The following PLCB1 variants were observed in gnomAD, a reference collection of about 807,000 sequenced individuals.
PLCB1 encodes the protein phospholipase C beta 1, also known as 1-phosphatidylinositol 4,5-bisphosphate phosphodiesterase beta-1.
In PLCB1, 46 loss-of-function variants were observed where a neutral mutation model predicts 161.8. That is an observed-to-expected ratio of 0.28 (90% CI 0.22 to 0.36). The LOEUF (loss-of-function observed/expected upper bound fraction) is 0.36. PLCB1 is among the 10% of genes least tolerant of loss of function. The pLI is 1.00. For missense variants in PLCB1, 1,016 were observed against 1,472.5 expected, an observed-to-expected ratio of 0.69 and a Z score of 5.07; for synonymous variants, 517 against 503.7, an observed-to-expected ratio of 1.03 and a Z score of -0.35.
At chr20:8,474,430 G>T (rs1291260997) in intron 3 of PLCB1, among the ~76,000 whole-genome samples, 1 of 152,156 alleles carries the variant, frequency 6.6e-6, no homozygotes, top group Non-Finnish European at 1.5e-5. Context: ...TTGGGGAAAT[G>T]ATTATAGGTG....
intron 2 of PLCB1, among the ~76,000 whole-genome samples, chr20:8,193,774 C>T (rs2123112964): frequency 6.6e-6 from 1 of 151,802 alleles, no homozygotes; most frequent in East Asian, 1.9e-4. Flanking sequence ...TTATTTTAAA[C>T]CAGAACATTG....
chr20:8,662,325 ATTAT>A (rs1188990778), intron 9 of PLCB1, among the ~76,000 whole-genome samples: 162 of 117,946 alleles, frequency 1.4e-3, no homozygotes, highest in Non-Finnish European at 2.2e-3. Flanking sequence ...ATAATATGTA[ATTAT>A]TTATTATATA....
At position 8,739,257 on chromosome 20, in the gene PLCB1, G is replaced by T. The variant is rs948705229; in HGVS notation, c.2209-4G>T. On this transcript the variant is annotated splice_region_variant and splice_polypyrimidine_tract_variant and intron_variant, in intron 20 of 31. Transcript: ENST00000338037. ...ACCAGGTGTGTCCTTAATGTCCTTTGTAGGTGGTTCTTCCTACTCTGGCCT... is the reference window on the plus strand; with the variant it reads ...ACCAGGTGTGTCCTTAATGTCCTTTTTAGGTGGTTCTTCCTACTCTGGCCT... 2 of 1,580,710 alleles carry T rather than the reference G, an allele frequency of 1.3e-6. No individual in the cohort carries two copies. The highest frequency in any genetic ancestry group is 2.7e-5 in the African/African-American group (2 of 74,402).
At chr20:8,791,515 T>C (rs966258004) in intron 31 of PLCB1, among the ~76,000 whole-genome samples, 4 of 152,202 alleles carry the variant, frequency 2.6e-5, no homozygotes, top group African/African-American at 9.6e-5. Flanking sequence ...TAATCTATGC[T>C]GTCTGGTTTT....
At chr20:8,872,007 A>G (rs1429862540) in intron 31 of PLCB1, among the ~76,000 whole-genome samples, 3 of 152,202 alleles carry the variant, frequency 2.0e-5, no homozygotes, top group Non-Finnish European at 4.4e-5. Flanking sequence ...CATATTTCAT[A>G]AAATGCAAGC....
rs6118290 is a variant in PLCB1, at chr20:8,671,317, G to A, written c.862+12613G>A. 7.6e-3 allele frequency among the ~76,000 whole-genome samples: 1,160 copies of A among 152,234 alleles called. 13 individuals are homozygous for A. The highest frequency in any genetic ancestry group is 0.027 in the African/African-American group (1,105 of 41,544). On this transcript the variant is annotated intron_variant, in intron 9 of 31. Transcript: ENST00000338037. ...AGCTAACCTGCATATTTTTTGCAAA[G>A]CCCACAAAACAATGTCACTTCTTGT...
chr20:8,522,516 A>G (rs1344527791), intron 3 of PLCB1, among the ~76,000 whole-genome samples: 1 of 152,104 alleles, frequency 6.6e-6, no homozygotes, highest in Non-Finnish European at 1.5e-5. Context: ...CTTTCTCCCC[A>G]ACTGACACAC....
At chr20:8,510,545 C>G (rs1277120793) in intron 3 of PLCB1, among the ~76,000 whole-genome samples, 14 of 152,016 alleles carry the variant, frequency 9.2e-5, no homozygotes. Flanking sequence ...GCCACCACGC[C>G]CAGCTAATTT....
At position 8,884,396 on chromosome 20, in the gene PLCB1, T is replaced by A. The variant is rs963947257; in HGVS notation, c.*2547T>A. 2 of 152,646 alleles carry A rather than the reference T, an allele frequency of 1.3e-5. No homozygotes were observed. The highest frequency in any genetic ancestry group is 4.8e-5 in the African/African-American group (2 of 41,466). The allele number at this position is 152,646 out of a possible 1,614,324, so 9.5% of individuals were successfully genotyped here. A position where few individuals can be genotyped will look rare whatever the true frequency, so the allele number is the denominator to read the frequency against. On this transcript the variant is annotated 3_prime_UTR_variant, in exon 32 of 32. Coordinates refer to ENST00000338037, the MANE Select transcript of PLCB1 (RefSeq NM_015192.4). ...TTTCCTATAATAGAAAGTAGAGCTG[T>A]GTATTAAATTAGACTGTGTCTCTCT...
intron 2 of PLCB1, among the ~76,000 whole-genome samples, chr20:8,352,680 G>A (rs912942454): frequency 1.3e-5 from 2 of 151,990 alleles, no homozygotes; most frequent in Admixed American, 6.6e-5. Context: ...GAAATGAATG[G>A]AATCTGTGAA....
intron 7 of PLCB1, among the ~76,000 whole-genome samples, chr20:8,650,828 G>A (rs565755470): frequency 6.9e-6 from 1 of 143,940 alleles, no homozygotes; most frequent in South Asian, 2.2e-4. Context: ...TTACAGAGCT[G>A]TGCTCAGAAA....
Position 8,733,705 on chromosome 20 carries a change from G to A in PLCB1, c.2043+313G>A, listed in dbSNP as rs201959652. On this transcript the variant is annotated intron_variant, in intron 19 of 31. Transcript: ENST00000338037. Reference sequence around the variant, plus strand: ...CCTAATGCTAAATGACGAGTTAATGGGTGCAGCACACCAGCATGGCACATG... The same window carrying A: ...CCTAATGCTAAATGACGAGTTAATGAGTGCAGCACACCAGCATGGCACATG... Among the ~76,000 whole-genome samples, 94 of 150,338 alleles carry A rather than the reference G, an allele frequency of 6.3e-4. 4 individuals carry two copies. In the East Asian group the frequency reaches 0.015, roughly 24 times the overall value.
At chr20:8,651,843 T>C in intron 7 of PLCB1, 1 of 239,202 alleles carries the variant, frequency 4.2e-6, no homozygotes, top group Non-Finnish European at 8.0e-6. Flanking sequence ...TGGAAATAAT[T>C]TCCCTACTGG....
At chr20:8,441,635 A>G (rs2122613723) in intron 3 of PLCB1, among the ~76,000 whole-genome samples, 1 of 152,306 alleles carries the variant, frequency 6.6e-6, no homozygotes, top group Non-Finnish European at 1.5e-5. Flanking sequence ...TTTGCCTACC[A>G]ATTAACCAGG....
At chr20:8,624,335 A>G (rs1988271310) in intron 3 of PLCB1, among the ~76,000 whole-genome samples, 1 of 152,250 alleles carries the variant, frequency 6.6e-6, no homozygotes, top group Non-Finnish European at 1.5e-5. Context: ...ACAATCCAAT[A>G]AAGATACATT....
chr20:8,225,287 T>C (rs1979623429), intron 2 of PLCB1, among the ~76,000 whole-genome samples: 1 of 152,240 alleles, frequency 6.6e-6, no homozygotes, highest in African/African-American at 2.4e-5. Flanking sequence ...TTCTTCTGTT[T>C]TGTTTTTTTC....
chr20:8,364,864 T>G (rs1342962731), intron 2 of PLCB1, among the ~76,000 whole-genome samples: 1 of 152,232 alleles, frequency 6.6e-6, no homozygotes, highest in Admixed American at 6.5e-5. Flanking sequence ...AAAATTAGTT[T>G]CTCTAGAAGT....
intron 1 of PLCB1, among the ~76,000 whole-genome samples, chr20:8,138,534 T>C (rs1419297556): frequency 6.6e-6 from 1 of 152,194 alleles, no homozygotes; most frequent in African/African-American, 2.4e-5. Context: ...ATATCATAAA[T>C]TCCAAATGCT....
chr20:8,514,619 C>A (rs1350690631), intron 3 of PLCB1, among the ~76,000 whole-genome samples: 1 of 152,078 alleles, frequency 6.6e-6, no homozygotes, highest in Non-Finnish European at 1.5e-5. Context: ...GCAAGAAACC[C>A]AATCCCTAAA....
Sources: allele counts gnomAD v4.1 joint callset (sites outside exome capture counted in the v4.1 genomes callset), GRCh38; gene constraint gnomAD v4.1.1; transcripts MANE v1.5; gene names NCBI Gene and HGNC (gene_info 2026-07-23, HGNC 2026-07-21).